The following APBA1 variants were observed in gnomAD, a reference collection of about 807,000 sequenced individuals.
APBA1 encodes amyloid beta precursor protein binding family A member 1.
APBA1 carries 55 observed loss-of-function variants against 86.6 expected under a neutral mutation model. The observed-to-expected ratio is 0.64, with a 90% CI of 0.51 to 0.80. The LOEUF is 0.80. APBA1 is among the 30% of genes least tolerant of loss of function. APBA1 has a pLI of 0.00. For missense variants in APBA1, 1,090 were observed against 1,183.0 expected (o/e 0.92, Z 1.15); for synonymous variants, 511 against 493.9 (o/e 1.03, Z -0.46).
At chr9:69,490,088 A>G (rs1002911063) in intron 2 of APBA1, among the ~76,000 whole-genome samples, 5 of 152,272 alleles carry the variant, frequency 3.3e-5, no homozygotes, top group South Asian at 2.1e-4. Context: ...ATGTCCATCA[A>G]TGATAGACTG....
intron 3 of APBA1, among the ~76,000 whole-genome samples, chr9:69,473,989 C>G (rs553816131): frequency 6.6e-6 from 1 of 152,286 alleles, no homozygotes; most frequent in South Asian, 2.1e-4. Context: ...CTTATTATAT[C>G]TAATGCATAA....
intron 1 of APBA1, among the ~76,000 whole-genome samples, chr9:69,667,551 GAATC>G: frequency 6.7e-6 from 1 of 149,934 alleles, no homozygotes; most frequent in Non-Finnish European, 1.5e-5. Context: ...TGTCTCAAAA[GAATC>G]CTTCCTTTGC....
At chr9:69,461,949 G>C (rs1350342630) in intron 5 of APBA1, 1 of 152,076 alleles carries the variant, frequency 6.6e-6, no homozygotes, top group Non-Finnish European at 1.5e-5. Context: ...CTACAACTTA[G>C]GCAAAGCTAT....
intron 1 of APBA1, among the ~76,000 whole-genome samples, chr9:69,671,305 C>T (rs1823943790): frequency 6.6e-6 from 1 of 152,142 alleles, no homozygotes; most frequent in Non-Finnish European, 1.5e-5. Context: ...AGTAGTATCA[C>T]AGGATGGAAG....
At chr9:69,497,403 C>T (rs977939163) in intron 2 of APBA1, among the ~76,000 whole-genome samples, 3 of 151,944 alleles carry the variant, frequency 2.0e-5, no homozygotes, top group African/African-American at 4.8e-5. Context: ...TGCACCATGG[C>T]ACACAGGGAA....
intron 1 of APBA1, among the ~76,000 whole-genome samples, chr9:69,634,303 G>A (rs1823111525): frequency 6.6e-6 from 1 of 152,132 alleles, no homozygotes; most frequent in Non-Finnish European, 1.5e-5. Context: ...AGCAATACCA[G>A]GCAGAACTCA....
intron 5 of APBA1, among the ~76,000 whole-genome samples, chr9:69,466,508 G>GCGAA (rs1564042155): frequency 1.3e-5 from 2 of 152,134 alleles, no homozygotes; most frequent in Admixed American, 6.6e-5. Flanking sequence ...GCATCTGCAG[G>GCGAA]CTTCCCCTGC....
intron 1 of APBA1, among the ~76,000 whole-genome samples, chr9:69,559,345 C>T (rs915584220): frequency 1.3e-5 from 2 of 152,128 alleles, no homozygotes; most frequent in Non-Finnish European, 2.9e-5. Context: ...ATGCAAATAC[C>T]ATCCAGATCA....
intron 1 of APBA1, among the ~76,000 whole-genome samples, chr9:69,654,735 C>G (rs1823575192): frequency 1.3e-5 from 2 of 152,158 alleles, no homozygotes; most frequent in South Asian, 4.1e-4. Flanking sequence ...ACTAAAACCA[C>G]ACAAGGATAC....
At chr9:69,623,918 A>T (rs905729121) in intron 1 of APBA1, among the ~76,000 whole-genome samples, 7 of 152,202 alleles carry the variant, frequency 4.6e-5, no homozygotes, top group Admixed American at 3.3e-4. Flanking sequence ...TCTTGCTGTA[A>T]TACCTCTCTG....
At chr9:69,434,474 A>G (rs1450673492) in intron 11 of APBA1, among the ~76,000 whole-genome samples, 1 of 152,056 alleles carries the variant, frequency 6.6e-6, no homozygotes, top group East Asian at 1.9e-4. Context: ...TTTGGGAGGC[A>G]GAGGCAGGTG....
At chr9:69,470,737 A>C (rs1354132135) in intron 4 of APBA1, among the ~76,000 whole-genome samples, 1 of 152,174 alleles carries the variant, frequency 6.6e-6, no homozygotes, top group Non-Finnish European at 1.5e-5. Flanking sequence ...TGGCCTCCAG[A>C]AAAGCCTCCT....
At chr9:69,441,320 A>G (rs1313273617) in intron 10 of APBA1, among the ~76,000 whole-genome samples, 1 of 152,200 alleles carries the variant, frequency 6.6e-6, no homozygotes, top group Non-Finnish European at 1.5e-5. Flanking sequence ...CATGTTGCAG[A>G]TGGAGCCCTC....
At chr9:69,453,083 C>T (rs549040377) in intron 8 of APBA1, among the ~76,000 whole-genome samples, 136 of 152,266 alleles carry the variant, frequency 8.9e-4, no homozygotes, top group African/African-American at 2.4e-3. Flanking sequence ...AGAATGGTTG[C>T]GCCAGAGCAT....
rs1019976880 is a variant in APBA1, at chr9:69,427,998, G to A, written c.*3329C>T. The A allele has an allele frequency of 3.3e-5, 5 of 152,210 alleles. No individual in the cohort carries two copies. Among genetic ancestry groups the A allele is most frequent in the African/African-American group, 9.7e-5 (4 of 41,448 alleles). The allele number at this position is 152,210 out of a possible 1,614,324, so 9.4% of individuals were successfully genotyped here. A position where few individuals can be genotyped will look rare whatever the true frequency, so the allele number is the denominator to read the frequency against. On this transcript the variant is annotated 3_prime_UTR_variant, in exon 13 of 13. Transcript: ENST00000265381. ...GCCTTGATGGAGGGGAAGAAAGATC[G>A]AGTTGTGTGCTCAAGTCAACCTAGG...
chr9:69,458,059 T>C, intron 6 of APBA1, 97 bp downstream of exon 6: 1 of 1,238,506 alleles, frequency 8.1e-7, no homozygotes. Context: ...ACTTGCTGGA[T>C]GCAGAAAACA....
At chr9:69,636,151 A>T (rs1007556585) in intron 1 of APBA1, among the ~76,000 whole-genome samples, 1 of 152,254 alleles carries the variant, frequency 6.6e-6, no homozygotes, top group Non-Finnish European at 1.5e-5. Flanking sequence ...AAAGATGCTC[A>T]ACATCACTGA....
At chr9:69,668,177 G>A (rs567998199) in intron 1 of APBA1, among the ~76,000 whole-genome samples, 2 of 152,274 alleles carry the variant, frequency 1.3e-5, no homozygotes, top group Admixed American at 6.5e-5. Context: ...CTCCTAAGCA[G>A]ATGACCTACA....
intron 11 of APBA1, among the ~76,000 whole-genome samples, chr9:69,439,334 G>C (rs1271770916): frequency 6.7e-6 from 1 of 149,540 alleles, no homozygotes; most frequent in Non-Finnish European, 1.5e-5. Flanking sequence ...TGCCTTGCTA[G>C]ATTGGGGAAA....
Sources: gnomAD v4.1 joint callset for allele counts (sites outside exome capture counted in the v4.1 genomes callset) on GRCh38, gnomAD v4.1.1 for gene constraint, MANE v1.5 for transcripts, NCBI Gene and HGNC (gene_info 2026-07-23, HGNC 2026-07-21) for gene names.